TANC2: variants seen among roughly 807,000 people sequenced by gnomAD.
TANC2 encodes protein TANC2.
A neutral mutation model predicts 210.5 loss-of-function variants in TANC2; 26 were observed. The observed-to-expected ratio is 0.12, with a 90% CI of 0.09 to 0.17. TANC2 has a LOEUF of 0.17. TANC2 is among the 10% of genes least tolerant of loss of function. TANC2 has a pLI of 1.00. For missense variants in TANC2, 2,129 were observed against 2,608.9 expected (o/e 0.82, Z 4.01); for synonymous variants, 931 against 967.1 (o/e 0.96, Z 0.69).
Position 63,073,230 on chromosome 17 carries a change from C to T in TANC2, c.68-713C>T, listed in dbSNP as rs191048660. Among the ~76,000 whole-genome samples the T allele has an allele frequency of 2.5e-4, 38 of 151,986 alleles. No individual in the cohort carries two copies. In the East Asian group the frequency reaches 5.6e-3, roughly 22 times the overall value. ...TCTTAATATATTAATTTCTGTTTTA[C>T]TGTGCCTATTTTAATGAATTTATGA... is the stretch of plus-strand genomic sequence containing the variant. On this transcript the variant is annotated intron_variant, in intron 2 of 27. Coordinates refer to ENST00000689528, the Ensembl canonical transcript of TANC2.
intron 14 of TANC2, among the ~76,000 whole-genome samples, chr17:63,359,567 C>T (rs573567606): frequency 3.5e-4 from 53 of 152,202 alleles, no homozygotes; most frequent in Admixed American, 2.8e-3. Flanking sequence ...AGGCTGGTCT[C>T]GTACTCCTGA....
At chr17:63,303,740 CA>C in intron 9 of TANC2, among the ~76,000 whole-genome samples, 1 of 152,148 alleles carries the variant, frequency 6.6e-6, no homozygotes, top group Admixed American at 6.5e-5. Flanking sequence ...TCCAGTCAAT[CA>C]CAGGTTTGGT....
intron 12 of TANC2, among the ~76,000 whole-genome samples, chr17:63,340,768 C>T (rs1475977743): frequency 6.6e-6 from 1 of 152,188 alleles, no homozygotes; most frequent in Non-Finnish European, 1.5e-5. Flanking sequence ...CATGGTTACA[C>T]AATGCTCTGT....
intron 7 of TANC2, among the ~76,000 whole-genome samples, chr17:63,232,818 G>A (rs938167253): frequency 2.6e-5 from 4 of 152,260 alleles, no homozygotes; most frequent in African/African-American, 9.6e-5. Flanking sequence ...AATCCCACTT[G>A]TCTGGACTAC....
chr17:63,272,750 A>G (rs1198386584), intron 9 of TANC2, among the ~76,000 whole-genome samples: 1 of 152,114 alleles, frequency 6.6e-6, no homozygotes, highest in African/African-American at 2.4e-5. Context: ...ATGATCCTAG[A>G]GATGGTAGTT....
At chr17:63,013,788 T>A (rs1034611570) in intron 2 of TANC2, among the ~76,000 whole-genome samples, 92 of 97,798 alleles carry the variant, frequency 9.4e-4, no homozygotes, top group African/African-American at 3.0e-3. Context: ...AAAAAAAAAA[T>A]CTTTATCATC....
chr17:63,151,392 T>C lies in TANC2; in HGVS notation c.433+12T>C. 1 of 981,082 alleles carries C rather than the reference T, an allele frequency of 1.0e-6. No individual in the cohort carries two copies. Among genetic ancestry groups the C allele is most frequent in the Non-Finnish European group, 1.2e-6 (1 of 825,618 alleles). The allele number at this position is 981,082 out of a possible 1,614,324, so 60.8% of individuals were successfully genotyped here. The stretch of plus-strand genomic sequence containing the variant: ...TGCATACTGCCCTGGTAAGCATGCA[T>C]GCAAAGTGTCTGCTTTGAAAGAGGG... On this transcript the variant is annotated intron_variant, in intron 5 of 27. Transcript: ENST00000689528.
At chr17:63,027,590 A>G (rs1198708013) in intron 2 of TANC2, among the ~76,000 whole-genome samples, 1 of 152,060 alleles carries the variant, frequency 6.6e-6, no homozygotes. Flanking sequence ...GTATTAGTCT[A>G]TACCATCTCA....
At chr17:63,103,383 T>G (rs139981329) in intron 4 of TANC2, among the ~76,000 whole-genome samples, 14 of 152,208 alleles carry the variant, frequency 9.2e-5, no homozygotes, top group Non-Finnish European at 1.9e-4. Flanking sequence ...AGAATAGATA[T>G]AGTTTAGAGC....
At chr17:62,997,516 A>G in intron 1 of TANC2, among the ~76,000 whole-genome samples, 1 of 152,216 alleles carries the variant, frequency 6.6e-6, no homozygotes, top group African/African-American at 2.4e-5. Context: ...TGTATTCAAA[A>G]GGACTCTGAA....
rs569149411 is a variant in TANC2, at chr17:63,128,976, G to A, written c.323-22294G>A. On this transcript the variant is annotated intron_variant, in intron 4 of 27. Transcript: ENST00000689528. ...CTTCTTGGTTCAGTTGCATACTTAC[G>A]GACGGTTTATAGAAGTAGTTAAGTA... Among the ~76,000 whole-genome samples the A allele has an allele frequency of 3.3e-5, 5 of 152,142 alleles. No homozygotes were observed. In the South Asian group the frequency reaches 8.3e-4, roughly 25 times the overall value.
intron 7 of TANC2, among the ~76,000 whole-genome samples, chr17:63,229,555 GTT>G (rs34411520): frequency 0.019 from 2,638 of 140,246 alleles, 77 homozygotes; most frequent in African/African-American, 0.057. Flanking sequence ...CTGGTCCTGG[GTT>G]TTTTTTTTTT....
At chr17:63,266,924 G>A (rs1381906115) in intron 8 of TANC2, among the ~76,000 whole-genome samples, 2 of 151,940 alleles carry the variant, frequency 1.3e-5, no homozygotes, top group South Asian at 2.1e-4. Flanking sequence ...ATCATGGCTG[G>A]CTGCAGCCTT....
rs572807915 is a variant in TANC2, at chr17:63,276,958, A to G, written c.1159+9085A>G. Reference sequence around the variant, plus strand: ...ATAGCAGTACATTGGCTTATGGTAGATACTCTGTACTCTGCGGTATTGGAG... The same window carrying G: ...ATAGCAGTACATTGGCTTATGGTAGGTACTCTGTACTCTGCGGTATTGGAG... On this transcript the variant is annotated intron_variant, in intron 9 of 27. Transcript: ENST00000689528. 2.0e-5 allele frequency among the ~76,000 whole-genome samples: 3 copies of G among 152,304 alleles called. No individual in the cohort carries two copies. The Middle Eastern group carries it at 0.01, about 518-fold the overall frequency.
intron 7 of TANC2, among the ~76,000 whole-genome samples, chr17:63,207,211 C>CTTTTTTTTTTTTTTTT (rs948663767): frequency 8.8e-6 from 1 of 113,806 alleles, no homozygotes; most frequent in Non-Finnish European, 1.8e-5. Flanking sequence ...TTTTTTTTTC[C>CTTTTTTTTTTTTTTTT]TTTTTTTTTT....
exon 4 of TANC2, chr17:63,099,250 T>C: frequency 6.2e-7 from 1 of 1,609,184 alleles, no homozygotes; most frequent in Non-Finnish European, 8.5e-7. Flanking sequence ...AGTGAAGGTA[T>C]GCAGCACATT....
intron 3 of TANC2, among the ~76,000 whole-genome samples, chr17:63,091,637 G>T (rs1410475908): frequency 2.6e-5 from 4 of 152,176 alleles, no homozygotes; most frequent in Non-Finnish European, 4.4e-5. Context: ...TTTGAAGTCA[G>T]GTAGCATGAT....
At chr17:63,115,055 G>C (rs2038201072) in intron 4 of TANC2, among the ~76,000 whole-genome samples, 2 of 152,278 alleles carry the variant, frequency 1.3e-5, no homozygotes, top group African/African-American at 4.8e-5. Context: ...TGCTCAACAT[G>C]ACTTGATGAT....
chr17:63,151,765 A>T (rs1051383136), intron 5 of TANC2: 1 of 152,208 alleles, frequency 6.6e-6, no homozygotes, highest in Admixed American at 6.5e-5. Flanking sequence ...AAAGTGTTCT[A>T]TGCAACACTT....
Sources: allele counts gnomAD v4.1 joint callset (sites outside exome capture counted in the v4.1 genomes callset), GRCh38; gene constraint gnomAD v4.1.1; transcripts MANE v1.5; gene names NCBI Gene and HGNC (gene_info 2026-07-23, HGNC 2026-07-21).